Variants in PCDHA2 observed in about 807,000 individuals in gnomAD.
PCDHA2 encodes protocadherin alpha 2, also known as protocadherin alpha-2.
A neutral mutation model predicts 66.0 loss-of-function variants in PCDHA2; 58 were observed. The ratio of observed to expected loss-of-function variants is 0.88; its 90% CI spans 0.71 to 1.09. The LOEUF (loss-of-function observed/expected upper bound fraction) is 1.09, where lower values mean the gene tolerates loss of function less well. Ranked by LOEUF, PCDHA2 falls within the 50% of genes least tolerant of loss-of-function variation. PCDHA2 has a pLI of 0.00. For missense variants in PCDHA2, 1,267 were observed against 1,242.3 expected (o/e 1.02, Z -0.30); for synonymous variants, 634 against 554.0 (o/e 1.14, Z -2.03).
intron 1 of PCDHA2, chr5:140,854,282 G>C: frequency 1.9e-6 from 1 of 533,858 alleles, no homozygotes; most frequent in Non-Finnish European, 2.4e-6. Context: ...ATTGAGTTTA[G>C]TTTTTATTAT....
chr5:140,857,544 G>T (rs1408742148), intron 1 of PCDHA2: 1 of 1,596,898 alleles, frequency 6.3e-7, no homozygotes, highest in Non-Finnish European at 8.6e-7. Flanking sequence ...CGGCGGTTGG[G>T]CGAGCGCTCG....
At chr5:140,858,157 C>G in intron 1 of PCDHA2, 1 of 1,597,628 alleles carries the variant, frequency 6.3e-7, no homozygotes, top group Non-Finnish European at 8.6e-7. Flanking sequence ...TCGCCATCTG[C>G]GCGGTGTCCA....
At chr5:140,798,387 A>C (rs782778029) in intron 1 of PCDHA2, among the ~76,000 whole-genome samples, 98 of 152,324 alleles carry the variant, frequency 6.4e-4, no homozygotes, top group South Asian at 1.9e-3. Flanking sequence ...AGTATTGAGA[A>C]AAGAGACCCT....
intron 1 of PCDHA2, chr5:140,800,950 A>G: frequency 1.8e-6 from 2 of 1,105,816 alleles, no homozygotes; most frequent in Non-Finnish European, 2.3e-6. Context: ...TTCAAACGAC[A>G]TACAAGGAAA....
chr5:140,929,511 G>T, intron 1 of PCDHA2: 1 of 781,088 alleles, frequency 1.3e-6, no homozygotes, highest in Non-Finnish European at 1.8e-6. Flanking sequence ...AGGCCTCAAG[G>T]GACTTATAGT....
intron 1 of PCDHA2, among the ~76,000 whole-genome samples, chr5:140,957,373 T>C (rs906109440): frequency 6.6e-5 from 10 of 152,310 alleles, no homozygotes; most frequent in African/African-American, 2.2e-4. Context: ...ACTTTTATTA[T>C]AGTGTATTGT....
At chr5:140,908,706 T>C (rs2074108716) in intron 1 of PCDHA2, among the ~76,000 whole-genome samples, 1 of 152,132 alleles carries the variant, frequency 6.6e-6, no homozygotes, top group South Asian at 2.1e-4. Context: ...TCAAGCACCA[T>C]TGGATCTGCT....
rs549585024 is a variant in PCDHA2 at position 140,809,126 on chromosome 5, C to T, written c.2388+11774C>T. The T allele has an allele frequency of 3.1e-6, 5 of 1,614,062 alleles. No homozygotes were observed. In the African/African-American group the frequency reaches 6.7e-5, roughly 22 times the overall value. On this transcript the variant is annotated intron_variant, in intron 1 of 3. Transcript: ENST00000526136. Reference sequence around the variant, plus strand: ...CGAAACGGACGCTCCGCGCCACCGCCTACTGGTACTGGTGAAGGACCACGG... The same window carrying T: ...CGAAACGGACGCTCCGCGCCACCGCTTACTGGTACTGGTGAAGGACCACGG...
intron 1 of PCDHA2, chr5:140,856,888 TA>T (rs782463832): frequency 1.3e-6 from 2 of 1,596,688 alleles, no homozygotes; most frequent in Non-Finnish European, 1.7e-6. Context: ...TGTATTCATT[TA>T]GCTCTTTGGT....
At chr5:140,993,434 AT>A (rs1243337816) in intron 3 of PCDHA2, among the ~76,000 whole-genome samples, 2 of 150,146 alleles carry the variant, frequency 1.3e-5, no homozygotes, top group Non-Finnish European at 3.0e-5. Flanking sequence ...TAAAATCCTT[AT>A]TCATTCCTGT....
chr5:140,808,771 A>T, intron 1 of PCDHA2: 1 of 1,612,410 alleles, frequency 6.2e-7, no homozygotes, highest in Non-Finnish European at 8.5e-7. Flanking sequence ...ACGAGGAGCT[A>T]GAGCTGCTGC....
Position 141,009,823 on chromosome 5 carries a change from C to T in PCDHA2, c.2733C>T (p.Phe911=), listed in dbSNP as rs2098414711. Residue 911 remains phenylalanine, a synonymous_variant, in exon 4 of 4, where the codon TTC becomes TTT. Transcript: ENST00000526136. The part of the protein sequence containing the change: ...PTNSQIDKSD[F]ITFGKKEETK... ...ACAGCCAAATTGACAAAAGTGACTTCATAACCTTCGGCAAAAAGGAGGAGA... is the reference window on the plus strand; with the variant it reads ...ACAGCCAAATTGACAAAAGTGACTTTATAACCTTCGGCAAAAAGGAGGAGA... 4 of 1,614,030 alleles carry T rather than the reference C, an allele frequency of 2.5e-6. No individual in the cohort carries two copies. The highest frequency in any genetic ancestry group is 3.4e-6 in the Non-Finnish European group (4 of 1,180,010).
At chr5:140,808,898 G>C in intron 1 of PCDHA2, 1 of 1,613,480 alleles carries the variant, frequency 6.2e-7, no homozygotes, top group African/African-American at 1.3e-5. Context: ...GCCTCGGGCG[G>C]GTGGCACTGG....
chr5:140,971,805 T>C (rs938421537), intron 1 of PCDHA2, among the ~76,000 whole-genome samples: 1 of 152,166 alleles, frequency 6.6e-6, no homozygotes, highest in Non-Finnish European at 1.5e-5. Flanking sequence ...AATATTATAA[T>C]ATTGAATACA....
At chr5:140,821,757 T>C (rs1767048336) in intron 1 of PCDHA2, 1 of 1,585,704 alleles carries the variant, frequency 6.3e-7, no homozygotes, top group Non-Finnish European at 8.6e-7. Context: ...AGAAAGCTCA[T>C]AATTGGAACG....
At chr5:140,826,255 T>A (rs1554130509) in intron 1 of PCDHA2, among the ~76,000 whole-genome samples, 2 of 152,222 alleles carry the variant, frequency 1.3e-5, no homozygotes, top group African/African-American at 4.8e-5. Flanking sequence ...TCTTTATATA[T>A]CAAGTCTTTA....
chr5:140,823,518 G>C (rs1767744121), intron 1 of PCDHA2: 1 of 1,613,536 alleles, frequency 6.2e-7, no homozygotes, highest in Admixed American at 1.7e-5. Context: ...AGCTGGTGCC[G>C]AGGTCAGTGG....
intron 3 of PCDHA2, among the ~76,000 whole-genome samples, chr5:141,007,395 C>CAAAAAAAA (rs35800918): frequency 4.0e-3 from 379 of 94,450 alleles, no homozygotes; most frequent in Non-Finnish European, 5.7e-3. Context: ...TACTAAAATA[C>CAAAAAAAA]AAAAAAAAAA....
chr5:140,804,734 C>T (rs1234342011), intron 1 of PCDHA2: 3 of 198,990 alleles, frequency 1.5e-5, no homozygotes, highest in African/African-American at 7.0e-5. Context: ...ACTACCCCTA[C>T]ATATTTGGTT....
Sources: gnomAD v4.1 joint callset for allele counts (sites outside exome capture counted in the v4.1 genomes callset) on GRCh38, gnomAD v4.1.1 for gene constraint, MANE v1.5 for transcripts, NCBI Gene and HGNC (gene_info 2026-07-23, HGNC 2026-07-21) for gene names.